CNBD1: variants seen among roughly 807,000 people sequenced by gnomAD.
The protein encoded by CNBD1 is cyclic nucleotide-binding domain-containing protein 1.
CNBD1 carries 71 observed loss-of-function variants against 54.4 expected under a neutral mutation model. The ratio of observed to expected loss-of-function variants is 1.30; its 90% CI spans 1.08 to 1.59. CNBD1 has a LOEUF of 1.59. CNBD1 is among the 40% of genes most tolerant of loss of function. CNBD1 has a pLI of 0.00. For missense variants in CNBD1, 659 were observed against 518.0 expected (o/e 1.27, Z -2.64); for synonymous variants, 182 against 170.7 (o/e 1.07, Z -0.51).
chr8:87,110,227 G>T lies in CNBD1; in HGVS notation c.432-95766G>T, dbSNP rs543201212. 4.6e-5 allele frequency among the ~76,000 whole-genome samples: 7 copies of T among 152,282 alleles called. No individual in the cohort carries two copies. The South Asian group carries it at 1.4e-3, about 32-fold the overall frequency. On this transcript the variant is annotated intron_variant, in intron 4 of 10. Transcript: ENST00000518476. ...TTTCTGCTACAAATGGCATGCACTT[G>T]CTTTATAATGCTAGGGTTCCTCCCT...
chr8:87,165,443 G>T (rs1274756559), intron 4 of CNBD1, among the ~76,000 whole-genome samples: 4 of 151,910 alleles, frequency 2.6e-5, no homozygotes, highest in African/African-American at 9.7e-5. Context: ...CTGATGTTGG[G>T]TGAATATATA....
At chr8:87,104,129 C>CGGATGA (rs1477272225) in intron 4 of CNBD1, among the ~76,000 whole-genome samples, 2 of 151,978 alleles carry the variant, frequency 1.3e-5, no homozygotes, top group African/African-American at 4.8e-5. Flanking sequence ...GGCAAAGAAT[C>CGGATGA]GGATGAGGTA....
intron 4 of CNBD1, among the ~76,000 whole-genome samples, chr8:87,025,378 T>G (rs1023874069): frequency 2.0e-5 from 3 of 152,194 alleles, no homozygotes; most frequent in Non-Finnish European, 2.9e-5. Flanking sequence ...GCTCACTCTT[T>G]GGGTCCACAC....
chr8:87,404,128 A>G (rs1807614559), intron 2 of CNBD1, among the ~76,000 whole-genome samples: 1 of 152,006 alleles, frequency 6.6e-6, no homozygotes, highest in Non-Finnish European at 1.5e-5. Context: ...GAAGAAGGAG[A>G]CAGCAGGGGA....
At position 86,988,452 on chromosome 8, in the gene CNBD1, A is replaced by G. The variant is rs1808660930; in HGVS notation, c.431+48698A>G. Among the ~76,000 whole-genome samples, 8 of 152,284 alleles carry G rather than the reference A, an allele frequency of 5.3e-5. No individual in the cohort carries two copies. The South Asian group carries it at 1.7e-3, about 32-fold the overall frequency. On this transcript the variant is annotated intron_variant, in intron 4 of 10. Coordinates refer to ENST00000518476, the MANE Select transcript of CNBD1 (RefSeq NM_173538.3). ...ATATTTTAATATAGGCACAAAATAC[A>G]TAATAATCATATCAGAGGTATCCAT...
intron 4 of CNBD1, among the ~76,000 whole-genome samples, chr8:87,036,220 TCTC>T (rs1469457508): frequency 2.0e-5 from 3 of 152,212 alleles, no homozygotes; most frequent in Admixed American, 6.5e-5. Flanking sequence ...TCTTGATCCT[TCTC>T]CTCACCATTT....
chr8:87,381,262 G>T (rs916889322), intron 10 of CNBD1, among the ~76,000 whole-genome samples: 1 of 151,958 alleles, frequency 6.6e-6, no homozygotes. Flanking sequence ...ACATACAAAT[G>T]GCCAGCATGT....
chr8:87,418,583 A>G (rs936963486), intron 2 of CNBD1, among the ~76,000 whole-genome samples: 8 of 151,990 alleles, frequency 5.3e-5, no homozygotes, highest in Non-Finnish European at 1.0e-4. Context: ...GACCTACAAA[A>G]AAGGAAAAAG....
At chr8:87,035,655 G>A (rs1406489986) in intron 4 of CNBD1, among the ~76,000 whole-genome samples, 2 of 152,150 alleles carry the variant, frequency 1.3e-5, no homozygotes, top group African/African-American at 4.8e-5. Context: ...GAATGTGTTT[G>A]TGGCAGTTAT....
intron 10 of CNBD1, among the ~76,000 whole-genome samples, chr8:87,365,185 A>G (rs973278938): frequency 2.0e-5 from 3 of 151,896 alleles, no homozygotes; most frequent in African/African-American, 4.8e-5. Flanking sequence ...AATTCAGTCA[A>G]AATGGCTATT....
At chr8:87,358,989 T>G (rs1184060185) in intron 10 of CNBD1, among the ~76,000 whole-genome samples, 3 of 152,148 alleles carry the variant, frequency 2.0e-5, no homozygotes, top group African/African-American at 7.2e-5. Flanking sequence ...CCTTAATTCA[T>G]CTACTGATTC....
chr8:87,188,958 T>G (rs1813542304), intron 4 of CNBD1, among the ~76,000 whole-genome samples: 1 of 151,668 alleles, frequency 6.6e-6, no homozygotes, highest in Admixed American at 6.6e-5. Flanking sequence ...ATATGAAGAA[T>G]AATTAAGATT....
intron 3 of CNBD1, among the ~76,000 whole-genome samples, chr8:86,926,737 C>T (rs765951929): frequency 7.2e-5 from 11 of 152,122 alleles, no homozygotes; most frequent in South Asian, 2.1e-4. Flanking sequence ...GGAGAGTCAC[C>T]GCTGCCAAAG....
intron 9 of CNBD1, among the ~76,000 whole-genome samples, chr8:87,352,833 A>C (rs1586039187): frequency 6.6e-6 from 1 of 152,324 alleles, no homozygotes; most frequent in East Asian, 1.9e-4. Context: ...TGCTGCACTA[A>C]TCATATTCAG....
chr8:87,318,957 G>C (rs1297522827), intron 8 of CNBD1, among the ~76,000 whole-genome samples: 1 of 151,974 alleles, frequency 6.6e-6, no homozygotes, highest in African/African-American at 2.4e-5. Context: ...TCAGAGAAAA[G>C]AATGAGCATA....
intron 2 of CNBD1, among the ~76,000 whole-genome samples, chr8:86,889,627 T>G (rs114168734): frequency 0.013 from 1,982 of 152,214 alleles, 33 homozygotes; most frequent in Middle Eastern, 0.041. Context: ...TGGTATATTA[T>G]CCTGGGATTT....
At position 87,393,128 on chromosome 8, in the gene CNBD1, C is replaced by T. The variant is rs191068217; in HGVS notation, c.214-35418C>T. 5.3e-5 allele frequency among the ~76,000 whole-genome samples: 8 copies of T among 151,924 alleles called. No individual in the cohort carries two copies. In the East Asian group the frequency reaches 1.2e-3, roughly 22 times the overall value. On this transcript the variant is annotated intron_variant, in intron 2 of 7. Coordinates refer to the CNBD1 transcript ENST00000521593. The stretch of plus-strand genomic sequence containing the variant: ...GATTGAAAGTAGAGTAATTTTGTGA[C>T]TGGAATCAAGAGATTATTTTTAGGC...
intron 6 of CNBD1, among the ~76,000 whole-genome samples, chr8:87,280,781 C>T (rs551490140): frequency 6.6e-5 from 10 of 151,030 alleles, no homozygotes; most frequent in South Asian, 2.1e-4. Flanking sequence ...GGAGATTGTT[C>T]GGGTTATGTA....
chr8:86,980,480 G>T, intron 4 of CNBD1, among the ~76,000 whole-genome samples: 1 of 152,266 alleles, frequency 6.6e-6, no homozygotes, highest in East Asian at 1.9e-4. Flanking sequence ...AACATATTTC[G>T]AGAAAGCATA....
Sources: allele counts gnomAD v4.1 joint callset (sites outside exome capture counted in the v4.1 genomes callset), GRCh38; gene constraint gnomAD v4.1.1; transcripts MANE v1.5; gene names NCBI Gene and HGNC (gene_info 2026-07-23, HGNC 2026-07-21).